The following PDE4D variants were observed in gnomAD, a reference collection of about 807,000 sequenced individuals.
PDE4D encodes 3',5'-cyclic-AMP phosphodiesterase 4D.
Under a neutral mutation model 87.4 loss-of-function variants are expected in PDE4D, and 24 were observed. The ratio of observed to expected loss-of-function variants is 0.27; its 90% CI spans 0.20 to 0.39. The LOEUF (loss-of-function observed/expected upper bound fraction) is 0.39, where lower values mean the gene tolerates loss of function less well. Ranked by LOEUF, PDE4D falls within the 10% of genes least tolerant of loss-of-function variation. The pLI is 1.00. For missense variants in PDE4D, 714 were observed against 1,041.0 expected, an observed-to-expected ratio of 0.69 and a Z score of 4.32; for synonymous variants, 384 against 383.2, an observed-to-expected ratio of 1.00 and a Z score of -0.02.
intron 1 of PDE4D, among the ~76,000 whole-genome samples, chr5:59,509,336 C>T (rs547310178): frequency 2.3e-4 from 34 of 150,752 alleles, no homozygotes; most frequent in South Asian, 1.0e-3. Flanking sequence ...GTAAGAAAAC[C>T]ACACATGAAG....
chr5:59,388,263 C>A (rs1787497980), intron 1 of PDE4D, among the ~76,000 whole-genome samples: 1 of 152,034 alleles, frequency 6.6e-6, no homozygotes, highest in Admixed American at 6.6e-5. Flanking sequence ...AAATGTTCAA[C>A]ATCACTTAAT....
chr5:60,359,814 C>T (rs1017584657), intron 1 of PDE4D, among the ~76,000 whole-genome samples: 1 of 152,166 alleles, frequency 6.6e-6, no homozygotes, highest in Non-Finnish European at 1.5e-5. Flanking sequence ...TCTGATCCAC[C>T]TGTTCTCTTT....
intron 1 of PDE4D, among the ~76,000 whole-genome samples, chr5:59,323,919 T>C (rs1581957330): frequency 1.3e-5 from 2 of 152,150 alleles, no homozygotes; most frequent in East Asian, 1.9e-4. Flanking sequence ...TTTACCTCTA[T>C]AGCCCTATTT....
At chr5:59,386,744 G>T (rs1787134354) in intron 1 of PDE4D, among the ~76,000 whole-genome samples, 1 of 150,358 alleles carries the variant, frequency 6.7e-6, no homozygotes, top group Non-Finnish European at 1.5e-5. Flanking sequence ...AAGACAAAAA[G>T]AAATATGCCA....
intron 2 of PDE4D, among the ~76,000 whole-genome samples, chr5:60,029,644 T>C (rs1276176057): frequency 1.3e-5 from 2 of 152,184 alleles, no homozygotes; most frequent in Non-Finnish European, 2.9e-5. Context: ...CTTTCCAAAT[T>C]AACTAAGACT....
rs567466665 is a variant in PDE4D at position 59,087,737 on chromosome 5, C to T, written c.809-48766G>A. On this transcript the variant is annotated intron_variant, in intron 5 of 14. Coordinates refer to ENST00000340635, the MANE Select transcript of PDE4D (RefSeq NM_001104631.2). ...CACTCCTTCCCCATCACCTATAGTGCCACAATCTGTAACCTGTTTGAGGCT... is the reference window on the plus strand; with the variant it reads ...CACTCCTTCCCCATCACCTATAGTGTCACAATCTGTAACCTGTTTGAGGCT... 5.5e-4 allele frequency among the ~76,000 whole-genome samples: 83 copies of T among 152,248 alleles called. 1 individual carries two copies. The highest frequency in any genetic ancestry group is 5.0e-3 in the South Asian group (24 of 4,824).
At chr5:59,916,449 C>T (rs1754052817) in intron 3 of PDE4D, among the ~76,000 whole-genome samples, 1 of 152,112 alleles carries the variant, frequency 6.6e-6, no homozygotes, top group Non-Finnish European at 1.5e-5. Flanking sequence ...ATACAGTGAA[C>T]AATAAGACAT....
At chr5:60,062,719 A>C (rs1254309345) in intron 2 of PDE4D, among the ~76,000 whole-genome samples, 1 of 152,140 alleles carries the variant, frequency 6.6e-6, no homozygotes, top group Non-Finnish European at 1.5e-5. Context: ...TATACACCAT[A>C]GAATACTATA....
intron 1 of PDE4D, among the ~76,000 whole-genome samples, chr5:59,395,307 C>G (rs1562100251): frequency 6.6e-6 from 1 of 152,208 alleles, no homozygotes; most frequent in African/African-American, 2.4e-5. Context: ...AAAAAGACAG[C>G]AGTAACCTCT....
At chr5:59,462,809 A>G (rs1187570434) in intron 1 of PDE4D, among the ~76,000 whole-genome samples, 1 of 152,154 alleles carries the variant, frequency 6.6e-6, no homozygotes, top group African/African-American at 2.4e-5. Context: ...CTGACATTCC[A>G]TTACTGACAG....
At chr5:60,077,850 T>C (rs1202913121) in intron 2 of PDE4D, among the ~76,000 whole-genome samples, 2 of 152,050 alleles carry the variant, frequency 1.3e-5, no homozygotes, top group African/African-American at 4.8e-5. Flanking sequence ...CATGCGAGAG[T>C]GGATCGCTCC....
chr5:59,595,723 T>G (rs758844961), intron 1 of PDE4D, among the ~76,000 whole-genome samples: 40 of 152,278 alleles, frequency 2.6e-4, no homozygotes, highest in Non-Finnish European at 7.4e-5. Context: ...GTAGATGATC[T>G]CAAGAGGGTA....
intron 2 of PDE4D, among the ~76,000 whole-genome samples, chr5:60,163,865 C>T (rs923931642): frequency 2.0e-5 from 3 of 152,120 alleles, no homozygotes; most frequent in African/African-American, 7.2e-5. Context: ...AGAAGCCTGG[C>T]CCACTAGCCC....
intron 1 of PDE4D, among the ~76,000 whole-genome samples, chr5:59,526,805 T>C (rs1813230481): frequency 6.6e-6 from 1 of 152,070 alleles, no homozygotes; most frequent in Non-Finnish European, 1.5e-5. Flanking sequence ...TTTGTATTTT[T>C]TGTACATATG....
intron 1 of PDE4D, among the ~76,000 whole-genome samples, chr5:60,468,130 C>CTTTTTTTTTTTTTT (rs370784270): frequency 4.8e-5 from 6 of 126,182 alleles, no homozygotes; most frequent in African/African-American, 1.5e-4. Flanking sequence ...AACTTTCTTT[C>CTTTTTTTTTTTTTT]TTTTTTCTTT....
chr5:60,016,025 C>CTCTG (rs553748460), intron 2 of PDE4D, among the ~76,000 whole-genome samples: 7 of 146,728 alleles, frequency 4.8e-5, no homozygotes, highest in African/African-American at 1.8e-4. Flanking sequence ...CTCTCTCTCT[C>CTCTG]TGTGTGTGTG....
intron 5 of PDE4D, among the ~76,000 whole-genome samples, chr5:59,091,979 G>A (rs1257791071): frequency 6.6e-6 from 1 of 151,984 alleles, no homozygotes; most frequent in Non-Finnish European, 1.5e-5. Flanking sequence ...AAGTCCAAAT[G>A]GTAAAATGTT....
chr5:59,702,689 C>T (rs536862955), intron 1 of PDE4D, among the ~76,000 whole-genome samples: 8 of 151,468 alleles, frequency 5.3e-5, no homozygotes, highest in Admixed American at 2.6e-4. Context: ...GGCAACATGG[C>T]GAAACCTCAT....
intron 5 of PDE4D, among the ~76,000 whole-genome samples, chr5:59,160,972 T>A (rs1780999962): frequency 6.6e-6 from 1 of 152,116 alleles, no homozygotes; most frequent in African/African-American, 2.4e-5. Flanking sequence ...GACGTGTGCC[T>A]GTAATCCCAG....
Sources: gnomAD v4.1 joint callset for allele counts (sites outside exome capture counted in the v4.1 genomes callset) on GRCh38, gnomAD v4.1.1 for gene constraint, MANE v1.5 for transcripts, NCBI Gene and HGNC (gene_info 2026-07-23, HGNC 2026-07-21) for gene names.